The following RRH variants were observed in gnomAD, a reference collection of about 807,000 sequenced individuals.
RRH encodes the protein visual pigment-like receptor peropsin.
RRH carries 36 observed loss-of-function variants against 33.1 expected under a neutral mutation model. The ratio of observed to expected loss-of-function variants is 1.09; its 90% CI spans 0.83 to 1.44. RRH has a LOEUF of 1.44. Among genes scored for constraint, RRH ranks in the 40% most tolerant of loss-of-function variants. The pLI, the probability that RRH is intolerant of heterozygous loss-of-function variation, is 0.00. For missense variants in RRH, 393 were observed against 420.2 expected, an observed-to-expected ratio of 0.94 and a Z score of 0.57; for synonymous variants, 124 against 140.2, an observed-to-expected ratio of 0.88 and a Z score of 0.82.
chr4:109,831,091 A>G (rs900011003), intron 1 of RRH, among the ~76,000 whole-genome samples: 8 of 152,212 alleles, frequency 5.3e-5, no homozygotes, highest in African/African-American at 1.7e-4. Context: ...TGTTTAGTTC[A>G]TAACCCCCAT....
rs370906961 is a variant in RRH, at chr4:109,842,565, C to T, written c.817C>T (p.Pro273Ser). The T allele has an allele frequency of 1.4e-5, 23 of 1,613,528 alleles. No homozygotes were observed. Among genetic ancestry groups the T allele is most frequent in the Non-Finnish European group, 1.9e-5 (22 of 1,179,644 alleles). ...TTTTGGTGACCCAAAGAAGATTCCT[C>T]CCCCCATGGCCATCATAGCTCCACT... ...ASFGDPKKIP[P>S]PMAIIAPLFA... The change falls in exon 6 of 7, where the codon CCC becomes TCC. Residue 273 changes from proline (P) to serine (S), a missense_variant. Transcript: ENST00000317735.
intron 5 of RRH, 96 bp downstream of exon 5, chr4:109,837,701 C>T (rs1458482571): frequency 1.2e-6 from 1 of 861,228 alleles, no homozygotes; most frequent in Non-Finnish European, 1.9e-6. Flanking sequence ...TTCTCTCCCT[C>T]ATCTCCAATT....
intron 5 of RRH, among the ~76,000 whole-genome samples, chr4:109,841,090 G>A (rs1381271496): frequency 2.6e-5 from 4 of 152,022 alleles, no homozygotes; most frequent in African/African-American, 9.7e-5. Context: ...TACACATGAT[G>A]CAGATAATTT....
chr4:109,835,881 G>T, intron 3 of RRH, 126 bp from the exon 4 acceptor site: 1 of 1,058,034 alleles, frequency 9.5e-7, no homozygotes, highest in African/African-American at 1.6e-5. Context: ...CTCATGTTTT[G>T]GCTCCTAAGG....
In RRH at chr4:109,835,405, A is replaced by T; in HGVS notation, c.337A>T (p.Ile113Phe). Residue 113 changes from isoleucine to phenylalanine, a missense_variant, in exon 3 of 7, where the codon ATT (isoleucine) becomes TTT (phenylalanine). By Grantham distance (21) the Ile-to-Phe change is conservative (BLOSUM62 0). Coordinates refer to ENST00000317735, the MANE Select transcript of RRH (RefSeq NM_006583.5). ...GLNIFFGMASIGLLTVVAVDR... is the reference protein window; with the variant it reads ...GLNIFFGMASFGLLTVVAVDR... ...GAATATTTTTTTTGGAATGGCAAGC[A>T]TTGGATTACTCACGGTCGTGGCTGT... 1.2e-6 allele frequency: 2 copies of T among 1,614,138 alleles called. No homozygotes were observed. The highest frequency in any genetic ancestry group is 1.3e-5 in the African/African-American group (1 of 75,036).
rs557786517 is a variant in RRH at position 109,840,311 on chromosome 4, G to A, written c.721-2158G>A. Among the ~76,000 whole-genome samples, 6 of 152,006 alleles carry A rather than the reference G, an allele frequency of 3.9e-5. No individual in the cohort carries two copies. In the South Asian group the frequency reaches 6.3e-4, roughly 16 times the overall value. On this transcript the variant is annotated intron_variant, in intron 5 of 6. Transcript: ENST00000317735. The stretch of plus-strand genomic sequence containing the variant: ...TGTCCCTTGCCCACTTTTTAATGGG[G>A]TTGCTTGTTTTTGTCTTATAAATTT...
In RRH at chr4:109,837,557, C is replaced by T. The variant is rs1309868600; in HGVS notation, c.672C>T (p.Cys224=). ...LSIKHHTTSD[C]TESLNRDWSD... Reference sequence around the variant, plus strand: ...TTAAACATCACACTACCAGTGACTGCACTGAGTCCCTCAACAGAGACTGGT... The same window carrying T: ...TTAAACATCACACTACCAGTGACTGTACTGAGTCCCTCAACAGAGACTGGT... Residue 224 remains cysteine, a synonymous_variant, in exon 5 of 7, where the codon TGC becomes TGT. Transcript: ENST00000317735. 29 of 1,613,798 alleles carry T rather than the reference C, an allele frequency of 1.8e-5. No individual in the cohort carries two copies. Among genetic ancestry groups the T allele is most frequent in the Non-Finnish European group, 2.4e-5 (28 of 1,179,698 alleles).
chr4:109,833,277 C>G lies in RRH; in HGVS notation c.245C>G (p.Ser82Cys). The G allele has an allele frequency of 6.2e-7, 1 of 1,614,098 alleles. No homozygotes were observed. The highest frequency in any genetic ancestry group is 8.5e-7 in the Non-Finnish European group (1 of 1,179,986). ...GTCAGTAGCATTGGCTATCCCATGTCTGCTGCCTCAGATCTGTATGGAAGT... is the reference window on the plus strand; with the variant it reads ...GTCAGTAGCATTGGCTATCCCATGTGTGCTGCCTCAGATCTGTATGGAAGT... ...IGVSSIGYPMSAASDLYGSWK... is the reference protein window; with the variant it reads ...IGVSSIGYPMCAASDLYGSWK... Residue 82 changes from serine (S) to cysteine (C), a missense_variant, in exon 2 of 7, where the codon TCT (serine) becomes TGT (cysteine). Physicochemically the swap from Ser to Cys is moderately radical, Grantham distance 112. Transcript: ENST00000317735.
At chr4:109,835,910 A>G (rs1344514364) in intron 3 of RRH, 97 bp from the exon 4 acceptor site, 1 of 1,478,936 alleles carries the variant, frequency 6.8e-7, no homozygotes. Context: ...AGTGCTCTGT[A>G]AAGAATCTAC....
At chr4:109,834,708 A>G (rs1287318139) in intron 2 of RRH, among the ~76,000 whole-genome samples, 1 of 151,982 alleles carries the variant, frequency 6.6e-6, no homozygotes, top group African/African-American at 2.4e-5. Flanking sequence ...TCCTTCTGCA[A>G]TATGTGAGTT....
rs1734001674 is a variant in RRH, at chr4:109,842,468, G to C, written c.721-1G>C. The C allele has an allele frequency of 1.9e-6, 3 of 1,613,488 alleles. No individual in the cohort carries two copies. The South Asian group carries it at 3.3e-5, about 18-fold the overall frequency. On this transcript the variant is annotated splice_acceptor_variant, in intron 5 of 6. Transcript: ENST00000317735. LOFTEE classifies it high-confidence loss of function. ...CTTGGTGAATATTTATTTCTTTTCA[G>C]ATGTCTGTGATCATGATCTGCATGT...
chr4:109,836,235 C>T, intron 4 of RRH, 75 bp downstream of exon 4: 1 of 1,496,462 alleles, frequency 6.7e-7, no homozygotes, highest in Non-Finnish European at 9.3e-7. Context: ...AATTTAAGCT[C>T]AGATCATGTG....
At chr4:109,832,294 A>G (rs1350334127) in intron 1 of RRH, among the ~76,000 whole-genome samples, 1 of 150,250 alleles carries the variant, frequency 6.7e-6, no homozygotes, top group Non-Finnish European at 1.5e-5. Flanking sequence ...AAACAGTGGC[A>G]TTCTGGTTAA....
In RRH at chr4:109,833,317, C is replaced by A. The variant is rs377149700; in HGVS notation, c.285C>A (p.Tyr95Ter). 65 of 1,613,628 alleles carry A rather than the reference C, an allele frequency of 4.0e-5. No homozygotes were observed. The highest frequency in any genetic ancestry group is 1.6e-4 in the Middle Eastern group (1 of 6,062). ...TGTATGGAAGTTGGAAATTTGGATACGCAGGCTGTCAGGTATTGGAGATCA... is the reference window on the plus strand; with the variant it reads ...TGTATGGAAGTTGGAAATTTGGATAAGCAGGCTGTCAGGTATTGGAGATCA... ...SDLYGSWKFG[Y>*]AGCQVYAGLN... Residue 95 changes from tyrosine (Y) to a stop codon, truncating the protein, a stop_gained, in exon 2 of 7, where the codon TAC becomes TAA. Transcript: ENST00000317735. LOFTEE classifies it high-confidence loss of function.
intron 3 of RRH, 89 bp downstream of exon 3, chr4:109,835,554 G>T: frequency 1.1e-6 from 1 of 946,452 alleles, no homozygotes; most frequent in Non-Finnish European, 1.7e-6. Flanking sequence ...TAAACCTAAT[G>T]GTTTGTAGTT....
chr4:109,838,086 C>T (rs764171234), intron 5 of RRH, among the ~76,000 whole-genome samples: 1 of 152,092 alleles, frequency 6.6e-6, no homozygotes, highest in African/African-American at 2.4e-5. Flanking sequence ...GGCCACTTGC[C>T]TTCTTATTTC....
intron 2 of RRH, among the ~76,000 whole-genome samples, chr4:109,833,933 A>G (rs1733821764): frequency 6.6e-6 from 1 of 152,228 alleles, no homozygotes; most frequent in African/African-American, 2.4e-5. Flanking sequence ...AGTACCAACC[A>G]GTTTTGTTAA....
chr4:109,835,415 T>C lies in RRH; in HGVS notation c.347T>C (p.Leu116Pro), dbSNP rs1286648350. ...TTTGGAATGGCAAGCATTGGATTACTCACGGTCGTGGCTGTGGACCGATAC... is the reference window on the plus strand; with the variant it reads ...TTTGGAATGGCAAGCATTGGATTACCCACGGTCGTGGCTGTGGACCGATAC... ...IFFGMASIGL[L>P]TVVAVDRYLT... is the part of the protein sequence containing the mutation. Residue 116 changes from leucine to proline, a missense_variant, in exon 3 of 7, where the codon CTC becomes CCC. Leu to Pro is a moderately conservative substitution (Grantham distance 98). Coordinates refer to ENST00000317735, the MANE Select transcript of RRH (RefSeq NM_006583.5). 6.2e-7 allele frequency: 1 copy of C among 1,614,182 alleles called. No individual in the cohort carries two copies. Among genetic ancestry groups the C allele is most frequent in the Admixed American group, 1.7e-5 (1 of 60,024 alleles).
intron 1 of RRH, among the ~76,000 whole-genome samples, chr4:109,832,012 T>G (rs1196481768): frequency 6.6e-6 from 1 of 151,858 alleles, no homozygotes; most frequent in South Asian, 2.1e-4. Flanking sequence ...TTGGAAACTG[T>G]CCCTCTCTGA....
Sources: allele counts gnomAD v4.1 joint callset (sites outside exome capture counted in the v4.1 genomes callset), GRCh38; gene constraint gnomAD v4.1.1; transcripts MANE v1.5; gene names NCBI Gene and HGNC (gene_info 2026-07-23, HGNC 2026-07-21).